Variants in TTLL5 observed in about 807,000 individuals in gnomAD.
The protein encoded by TTLL5 is tubulin tyrosine ligase like 5, also known as tubulin polyglutamylase TTLL5.
In TTLL5, 132 loss-of-function variants were observed where a neutral mutation model predicts 168.4. That is an observed-to-expected ratio of 0.78 (90% CI 0.68 to 0.91). The LOEUF is 0.91. Among genes scored for constraint, TTLL5 ranks in the 40% least tolerant of loss-of-function variants. The pLI, the probability that TTLL5 is intolerant of heterozygous loss-of-function variation, is 0.00. For synonymous variants in TTLL5, 546 were observed against 558.6 expected, an observed-to-expected ratio of 0.98 and a Z score of 0.32; for missense variants, 1,545 against 1,581.5, an observed-to-expected ratio of 0.98 and a Z score of 0.39.
chr14:75,768,338 C>G (rs1214773797), intron 20 of TTLL5, among the ~76,000 whole-genome samples: 2 of 152,148 alleles, frequency 1.3e-5, no homozygotes, highest in East Asian at 3.9e-4. Context: ...TGAAAAGAGA[C>G]TTCTGGATTT....
intron 7 of TTLL5, among the ~76,000 whole-genome samples, chr14:75,701,700 G>A (rs528030305): frequency 3.3e-5 from 5 of 152,206 alleles, no homozygotes; most frequent in South Asian, 2.1e-4. Flanking sequence ...GCACCCACAC[G>A]TCTCCTGGCC....
intron 31 of TTLL5, among the ~76,000 whole-genome samples, chr14:75,922,303 T>C (rs1595273058): frequency 1.3e-5 from 2 of 151,402 alleles, no homozygotes; most frequent in Non-Finnish European, 2.9e-5. Context: ...CATCCTTGTC[T>C]TGTGCCGGTT....
chr14:75,828,060 A>T (rs538231691), intron 28 of TTLL5, among the ~76,000 whole-genome samples: 22 of 152,236 alleles, frequency 1.4e-4, no homozygotes, highest in African/African-American at 5.3e-4. Context: ...TCTTTCTGTG[A>T]TGAGAATGAA....
chr14:75,762,290 G>T (rs1325993133), intron 18 of TTLL5, among the ~76,000 whole-genome samples: 1 of 152,156 alleles, frequency 6.6e-6, no homozygotes, highest in Non-Finnish European at 1.5e-5. Context: ...AGCTACCTGG[G>T]AGGCTGAGGC....
At chr14:75,681,852 C>T (rs536745010) in intron 4 of TTLL5, among the ~76,000 whole-genome samples, 5 of 152,106 alleles carry the variant, frequency 3.3e-5, no homozygotes, top group East Asian at 1.9e-4. Context: ...TTTCTTGCTA[C>T]GTTCTTGGGC....
intron 31 of TTLL5, among the ~76,000 whole-genome samples, chr14:75,942,573 T>G (rs1172323583): frequency 1.3e-5 from 2 of 152,326 alleles, no homozygotes; most frequent in East Asian, 3.9e-4. Context: ...TAGGAGGGTC[T>G]CTCCACCATT....
chr14:75,905,015 A>T (rs1169694232), intron 31 of TTLL5, among the ~76,000 whole-genome samples: 2 of 152,228 alleles, frequency 1.3e-5, no homozygotes, highest in Non-Finnish European at 2.9e-5. Flanking sequence ...TTTCTGTATT[A>T]CAAGTAGATT....
intron 27 of TTLL5, among the ~76,000 whole-genome samples, chr14:75,813,270 TTGTGTGTGTGTGTGTG>T (rs58821426): frequency 0.061 from 8,012 of 130,652 alleles, 414 homozygotes; most frequent in East Asian, 0.34. Context: ...GTGTGTGTGT[TTGTGTGTGTGTGTGTG>T]TGTGTGTGTG....
chr14:75,701,538 C>G (rs1886275169), intron 7 of TTLL5, among the ~76,000 whole-genome samples: 1 of 152,176 alleles, frequency 6.6e-6, no homozygotes, highest in African/African-American at 2.4e-5. Flanking sequence ...GAAGCACTCC[C>G]CTTCCACCTT....
chr14:75,698,634 G>A (rs562169357), intron 6 of TTLL5, among the ~76,000 whole-genome samples: 229 of 152,274 alleles, frequency 1.5e-3, no homozygotes, highest in African/African-American at 5.3e-3. Flanking sequence ...CGGGCATGGT[G>A]GCTTATACCT....
chr14:75,759,473 A>G (rs980615613), intron 18 of TTLL5, among the ~76,000 whole-genome samples: 2 of 152,128 alleles, frequency 1.3e-5, no homozygotes, highest in South Asian at 2.1e-4. Flanking sequence ...AATAACACCA[A>G]TCTTATACAG....
chr14:75,810,001 A>G (rs1379760577), intron 27 of TTLL5, among the ~76,000 whole-genome samples: 1 of 152,056 alleles, frequency 6.6e-6, no homozygotes, highest in African/African-American at 2.4e-5. Flanking sequence ...CAGCAGTGGG[A>G]TTGCTAGATC....
intron 31 of TTLL5, among the ~76,000 whole-genome samples, chr14:75,942,339 A>G (rs930457531): frequency 1.3e-5 from 2 of 152,172 alleles, no homozygotes; most frequent in Non-Finnish European, 2.9e-5. Flanking sequence ...TTTGCCACCC[A>G]TAGGGTAACA....
chr14:75,947,268 G>A (rs558900841), intron 31 of TTLL5, among the ~76,000 whole-genome samples: 55 of 152,194 alleles, frequency 3.6e-4, no homozygotes, highest in Non-Finnish European at 7.1e-4. Flanking sequence ...ATCTTACATA[G>A]GCATATATAA....
At chr14:75,702,931 C>T (rs993780581) in intron 7 of TTLL5, among the ~76,000 whole-genome samples, 3 of 152,224 alleles carry the variant, frequency 2.0e-5, no homozygotes, top group Non-Finnish European at 2.9e-5. Context: ...CCTGTTTTAC[C>T]CCAAAACTGG....
At chr14:75,766,024 T>A (rs1459267153) in intron 19 of TTLL5, 38 bp from the exon 20 acceptor site, 2 of 1,558,890 alleles carry the variant, frequency 1.3e-6, no homozygotes, top group South Asian at 2.4e-5. Context: ...GAACATTTAA[T>A]CCTTTTTTCA....
rs534207176 is a variant in TTLL5 at position 75,922,020 on chromosome 14, C to CTTTG, written c.3823+19815_3823+19818dup. ...ATGGGAGTTCGCTCATGATTTGGCTCTTTGTTTGTTTGTTTGTTTGTTACT... is the reference window on the plus strand; with the variant it reads ...ATGGGAGTTCGCTCATGATTTGGCTCTTTGTTTGTTTGTTTGTTTGTTTGTTACT... On this transcript the variant is annotated intron_variant, in intron 31 of 31. Transcript: ENST00000298832. Among the ~76,000 whole-genome samples, 281 of 152,084 alleles carry CTTTG rather than the reference C, an allele frequency of 1.8e-3. 1 individual carries two copies. Among genetic ancestry groups the CTTTG allele is most frequent in the African/African-American group, 5.8e-3 (241 of 41,460 alleles).
At chr14:75,947,131 G>A (rs374701565) in intron 31 of TTLL5, among the ~76,000 whole-genome samples, 2 of 152,352 alleles carry the variant, frequency 1.3e-5, no homozygotes, top group East Asian at 3.9e-4. Context: ...CAGGATGGCT[G>A]TGGCTGCTAT....
intron 26 of TTLL5, among the ~76,000 whole-genome samples, chr14:75,790,098 G>C (rs1892609082): frequency 6.6e-6 from 1 of 152,136 alleles, no homozygotes; most frequent in Non-Finnish European, 1.5e-5. Flanking sequence ...TCAGAAGAAA[G>C]GGAGAGATGT....
Sources: gnomAD v4.1 joint callset for allele counts (sites outside exome capture counted in the v4.1 genomes callset) on GRCh38, gnomAD v4.1.1 for gene constraint, MANE v1.5 for transcripts, NCBI Gene and HGNC (gene_info 2026-07-23, HGNC 2026-07-21) for gene names.